Variants in ADGRB3 observed in about 807,000 individuals in gnomAD.
ADGRB3 encodes the protein brain-specific angiogenesis inhibitor 3.
In ADGRB3, 37 loss-of-function variants were observed where a neutral mutation model predicts 193.4. The ratio of observed to expected loss-of-function variants is 0.19; its 90% confidence interval spans 0.15 to 0.25. The LOEUF (loss-of-function observed/expected upper bound fraction) is 0.25, where lower values mean the gene tolerates loss of function less well. ADGRB3 is among the 10% of genes least tolerant of loss of function. ADGRB3 has a pLI of 1.00. For synonymous variants in ADGRB3, 690 were observed against 644.2 expected, an observed-to-expected ratio of 1.07 and a Z score of -1.08; for missense variants, 1,637 against 1,852.9, an observed-to-expected ratio of 0.88 and a Z score of 2.14.
chr6:69,266,522 G>A (rs1283449495), intron 20 of ADGRB3, among the ~76,000 whole-genome samples: 1 of 151,982 alleles, frequency 6.6e-6, no homozygotes, highest in South Asian at 2.1e-4. Flanking sequence ...GATAATAAGA[G>A]CCATTTGTAC....
intron 20 of ADGRB3, among the ~76,000 whole-genome samples, chr6:69,260,765 T>G (rs1766906487): frequency 6.6e-6 from 1 of 152,198 alleles, no homozygotes; most frequent in African/African-American, 2.4e-5. Flanking sequence ...TCTCATTTCC[T>G]TATGTCCTGG....
At position 69,210,182 on chromosome 6, in the gene ADGRB3, A is replaced by G. The variant is rs1304929610; in HGVS notation, c.2481-23108A>G. Reference sequence around the variant, plus strand: ...TATATATATATATAAAGGGGAGTTTATTAAATATTAACTCATGATCACAAG... The same window carrying G: ...TATATATATATATAAAGGGGAGTTTGTTAAATATTAACTCATGATCACAAG... On this transcript the variant is annotated intron_variant, in intron 17 of 31. Transcript: ENST00000370598. Among the ~76,000 whole-genome samples the G allele has an allele frequency of 3.6e-5, 5 of 137,204 alleles. No individual in the cohort carries two copies. The Admixed American group carries it at 3.7e-4, about 10-fold the overall frequency. 90.0% of individuals were successfully genotyped at this position (137,204 alleles called of 152,430 possible).
chr6:69,366,298 C>T lies in ADGRB3; in HGVS notation c.4239+4786C>T, dbSNP rs561669362. On this transcript the variant is annotated intron_variant, in intron 29 of 31. Coordinates refer to ENST00000370598, the MANE Select transcript of ADGRB3 (RefSeq NM_001704.3). ...AATTAATTATTCTCAGGTATCATTT[C>T]TGCAGCTATTTTTAGTGGATTTGCT... Among the ~76,000 whole-genome samples the T allele has an allele frequency of 9.4e-4, 143 of 152,160 alleles. 1 individual carries two copies. In the South Asian group the frequency reaches 0.015, roughly 16 times the overall value.
At chr6:69,149,226 A>G (rs1315555790) in intron 17 of ADGRB3, among the ~76,000 whole-genome samples, 1 of 151,554 alleles carries the variant, frequency 6.6e-6, no homozygotes, top group Non-Finnish European at 1.5e-5. Flanking sequence ...ATTCTTTTCT[A>G]TTATTTTTTC....
intron 3 of ADGRB3, among the ~76,000 whole-genome samples, chr6:68,791,841 T>A (rs1767113239): frequency 1.3e-5 from 2 of 152,168 alleles, no homozygotes; most frequent in African/African-American, 4.8e-5. Context: ...TAGAACATTT[T>A]GGCCAAGCCA....
intron 17 of ADGRB3, among the ~76,000 whole-genome samples, chr6:69,203,283 T>C (rs547850357): frequency 2.2e-3 from 339 of 152,266 alleles, no homozygotes; most frequent in African/African-American, 7.7e-3. Context: ...ATCATTATCA[T>C]TGAGTAAGCT....
At chr6:69,042,876 A>G (rs1582416666) in intron 13 of ADGRB3, among the ~76,000 whole-genome samples, 1 of 152,214 alleles carries the variant, frequency 6.6e-6, no homozygotes, top group East Asian at 1.9e-4. Flanking sequence ...AATAAAAAGG[A>G]CAGTTTTTAA....
chr6:68,667,722 G>C (rs1389587911), intron 3 of ADGRB3, among the ~76,000 whole-genome samples: 1 of 151,552 alleles, frequency 6.6e-6, no homozygotes, highest in Non-Finnish European at 1.5e-5. Context: ...TTATAACAAG[G>C]CCAGCCCAGA....
chr6:69,011,105 A>G (rs1346168292), intron 11 of ADGRB3, among the ~76,000 whole-genome samples: 1 of 149,708 alleles, frequency 6.7e-6, no homozygotes, highest in African/African-American at 2.5e-5. Flanking sequence ...TATATTCAGT[A>G]TGTATTAGTA....
At chr6:69,331,787 G>T in intron 23 of ADGRB3, 1 of 985,276 alleles carries the variant, frequency 1.0e-6, no homozygotes, top group Non-Finnish European at 1.2e-6. Flanking sequence ...GGTCTTTGGA[G>T]GGGTGACAAA....
intron 20 of ADGRB3, among the ~76,000 whole-genome samples, chr6:69,291,725 G>T (rs1436276636): frequency 6.6e-6 from 1 of 152,002 alleles, no homozygotes; most frequent in Admixed American, 6.6e-5. Flanking sequence ...GCAAATGAAG[G>T]GGTTCAGGAT....
chr6:68,883,324 C>T (rs141082698), intron 3 of ADGRB3, among the ~76,000 whole-genome samples: 2 of 151,458 alleles, frequency 1.3e-5, no homozygotes, highest in Non-Finnish European at 2.9e-5. Context: ...AATGGACCAA[C>T]CAGCTCTCTG....
intron 23 of ADGRB3, among the ~76,000 whole-genome samples, chr6:69,331,130 C>G (rs1768718957): frequency 6.6e-6 from 1 of 152,118 alleles, no homozygotes; most frequent in Admixed American, 6.5e-5. Flanking sequence ...TCATAACACT[C>G]AAAAACATCT....
chr6:68,638,850 C>T lies in ADGRB3; in HGVS notation c.175C>T (p.Leu59=). 6.2e-7 allele frequency: 1 copy of T among 1,614,134 alleles called. No homozygotes were observed. The highest frequency in any genetic ancestry group is 8.5e-7 in the Non-Finnish European group (1 of 1,180,026). ...PKNFTNCTWT[L]ENPDPTKYSI... ...AAACTTTACAAACTGCACTTGGACG[C>T]TGGAAAATCCAGATCCAACCAAATA... Residue 59 remains leucine (L), a synonymous_variant, in exon 3 of 32, where the codon CTG becomes TTG. Coordinates refer to ENST00000370598, the MANE Select transcript of ADGRB3 (RefSeq NM_001704.3).
intron 24 of ADGRB3, among the ~76,000 whole-genome samples, chr6:69,336,060 T>G (rs1285071103): frequency 6.6e-6 from 1 of 151,998 alleles, no homozygotes; most frequent in East Asian, 1.9e-4. Context: ...CTTTTTTCTT[T>G]TTAACTTTTA....
At chr6:68,827,862 AT>A (rs528407523) in intron 3 of ADGRB3, among the ~76,000 whole-genome samples, 71 of 152,254 alleles carry the variant, frequency 4.7e-4, no homozygotes, top group Admixed American at 1.2e-3. Context: ...ACTCCTACTC[AT>A]CACAGGGCCT....
chr6:69,369,738 G>T (rs531940111), intron 29 of ADGRB3, among the ~76,000 whole-genome samples: 100 of 151,704 alleles, frequency 6.6e-4, no homozygotes, highest in Middle Eastern at 3.2e-3. Context: ...ATGTCTGGAG[G>T]TGGAGAAGTC....
intron 3 of ADGRB3, among the ~76,000 whole-genome samples, chr6:68,642,717 C>A (rs1281857741): frequency 7.3e-6 from 1 of 137,004 alleles, no homozygotes. Context: ...ACTAAGTTAA[C>A]AAAATGAAGC....
In ADGRB3 at chr6:68,661,305, ATGTG is replaced by A. The variant is rs1229319999; in HGVS notation, c.757+21891_757+21894del. On this transcript the variant is annotated intron_variant, in intron 3 of 31. Transcript: ENST00000370598. ...ATAGGTGGCCAAAATATATATATAT[ATGTG>A]TGTGTGTGTGTGTGTGTATATATAT... Among the ~76,000 whole-genome samples the A allele has an allele frequency of 8.1e-3, 784 of 96,720 alleles. 24 individuals are homozygous for A. Among genetic ancestry groups the A allele is most frequent in the African/African-American group, 0.031 (752 of 24,610 alleles). 63.5% of individuals were successfully genotyped at this position (96,720 alleles called of 152,430 possible).
Sources: gnomAD v4.1 joint callset for allele counts (sites outside exome capture counted in the v4.1 genomes callset) on GRCh38, gnomAD v4.1.1 for gene constraint, MANE v1.5 for transcripts, NCBI Gene and HGNC (gene_info 2026-07-23, HGNC 2026-07-21) for gene names.